PHF21B: variants seen among roughly 807,000 people sequenced by gnomAD.
PHF21B encodes PHD finger protein 21B.
PHF21B carries 22 observed loss-of-function variants against 62.2 expected under a neutral mutation model. The observed-to-expected ratio is 0.35, with a 90% CI of 0.25 to 0.51. PHF21B has a LOEUF of 0.51. PHF21B is among the 20% of genes least tolerant of loss of function. The pLI, the probability that PHF21B is intolerant of heterozygous loss-of-function variation, is 0.97. For missense variants in PHF21B, 701 were observed against 707.9 expected (o/e 0.99, Z 0.11); for synonymous variants, 341 against 314.7 (o/e 1.08, Z -0.88).
intron 2 of PHF21B, among the ~76,000 whole-genome samples, chr22:44,947,172 T>C (rs910002111): frequency 2.0e-4 from 31 of 152,266 alleles, no homozygotes; most frequent in African/African-American, 7.5e-4. Flanking sequence ...GCTGTCCCAG[T>C]CCCCAGGCAA....
intron 9 of PHF21B, 123 bp downstream of exon 9, chr22:44,889,637 G>A (rs1238438535): frequency 8.1e-7 from 1 of 1,240,686 alleles, no homozygotes; most frequent in Non-Finnish European, 1.1e-6. Flanking sequence ...CCTAAAGGCA[G>A]AACCGAAAGG....
chr22:44,982,468 G>A (rs183723579), intron 2 of PHF21B, among the ~76,000 whole-genome samples: 52 of 152,198 alleles, frequency 3.4e-4, no homozygotes, highest in African/African-American at 1.1e-3. Flanking sequence ...TACCCTAAGA[G>A]GGCACAGGCC....
intron 2 of PHF21B, among the ~76,000 whole-genome samples, chr22:44,998,396 C>T (rs1055021894): frequency 6.6e-6 from 1 of 152,198 alleles, no homozygotes; most frequent in African/African-American, 2.4e-5. Context: ...ATAGGTTTCT[C>T]GCATGGGCCA....
chr22:44,916,390 T>G lies in PHF21B; in HGVS notation c.454A>C (p.Ile152Leu). ...PLSSAGVAYA[I>L]ISTSPSNAAA... ...GCATTGCTGGGGGAGGTGGAGATGA[T>G]GGCGTAGGCCACCCCCGCACTGCTC... is the stretch of plus-strand genomic sequence containing the variant. The change falls in exon 4 of 13, where the codon ATC (isoleucine) becomes CTC (leucine). Residue 152 changes from isoleucine to leucine, a missense_variant. Transcript: ENST00000313237. The G allele has an allele frequency of 6.3e-7, 1 of 1,590,436 alleles. No individual in the cohort carries two copies. The highest frequency in any genetic ancestry group is 8.5e-7 in the Non-Finnish European group (1 of 1,175,342).
intron 2 of PHF21B, among the ~76,000 whole-genome samples, chr22:44,962,563 C>T (rs147534213): frequency 2.0e-4 from 30 of 152,338 alleles, no homozygotes; most frequent in Non-Finnish European, 4.0e-4. Flanking sequence ...ACGTGTATTG[C>T]TTTTGCACCA....
intron 2 of PHF21B, among the ~76,000 whole-genome samples, chr22:44,921,657 G>A (rs778556977): frequency 4.1e-5 from 6 of 147,450 alleles, no homozygotes; most frequent in East Asian, 2.0e-4. Context: ...CATGAGCCAC[G>A]GAACCCAGCC....
At chr22:44,987,378 G>C (rs2072969462) in intron 2 of PHF21B, among the ~76,000 whole-genome samples, 1 of 152,180 alleles carries the variant, frequency 6.6e-6, no homozygotes, top group Non-Finnish European at 1.5e-5. Context: ...TAACGGCCAG[G>C]CTGAGAGGCA....
At chr22:44,922,988 T>C (rs745997356) in intron 2 of PHF21B, among the ~76,000 whole-genome samples, 1 of 152,122 alleles carries the variant, frequency 6.6e-6, no homozygotes, top group Non-Finnish European at 1.5e-5. Context: ...TTAGAATGCA[T>C]ATGAAATTAT....
intron 2 of PHF21B, among the ~76,000 whole-genome samples, chr22:44,934,616 G>C (rs544128573): frequency 1.3e-5 from 2 of 152,178 alleles, no homozygotes; most frequent in African/African-American, 2.4e-5. Flanking sequence ...TCTCGACTCT[G>C]CAGGTAGGCA....
At chr22:44,979,920 T>G (rs1377659408) in intron 2 of PHF21B, among the ~76,000 whole-genome samples, 8 of 151,470 alleles carry the variant, frequency 5.3e-5, no homozygotes, top group African/African-American at 1.9e-4. Context: ...AATTCAAAAT[T>G]TAGCCAGGCA....
intron 3 of PHF21B, among the ~76,000 whole-genome samples, chr22:44,917,894 C>G (rs1019468231): frequency 1.4e-4 from 21 of 152,244 alleles, no homozygotes; most frequent in African/African-American, 5.1e-4. Flanking sequence ...TGGCACAGAG[C>G]TGGCCCTTGA....
chr22:44,977,120 AAAAAG>A (rs529508016), intron 2 of PHF21B, among the ~76,000 whole-genome samples: 369 of 152,328 alleles, frequency 2.4e-3, no homozygotes, highest in African/African-American at 8.2e-3. Context: ...ACCCTGTCTC[AAAAAG>A]AAAAGAAAGA....
chr22:44,976,333 C>T (rs1262449694), intron 2 of PHF21B, among the ~76,000 whole-genome samples: 1 of 152,086 alleles, frequency 6.6e-6, no homozygotes, highest in Non-Finnish European at 1.5e-5. Context: ...ACTCAAAATC[C>T]TCTCTTCACA....
At chr22:44,949,878 G>A (rs1419530568) in intron 2 of PHF21B, among the ~76,000 whole-genome samples, 1 of 152,208 alleles carries the variant, frequency 6.6e-6, no homozygotes, top group African/African-American at 2.4e-5. Context: ...AAGAACAGAT[G>A]TGAGTTAAAG....
In PHF21B at chr22:44,914,005, GGGAGGGGTGAGGGGAAGAGAGGAGGGGT is replaced by G; in HGVS notation, c.620_647del (p.His207ProfsTer68). 6.5e-7 allele frequency: 1 copy of G among 1,535,126 alleles called. No homozygotes were observed. Among genetic ancestry groups the G allele is most frequent in the Non-Finnish European group, 9.0e-7 (1 of 1,110,646 alleles). On this transcript the variant is annotated frameshift_variant, in exon 5 of 13. Coordinates refer to ENST00000313237, the MANE Select transcript of PHF21B (RefSeq NM_138415.5). LOFTEE classifies it high-confidence loss of function. ...GGGGTGAAGGGGACAGTGATGGGGA[GGGAGGGGTGAGGGGAAGAGAGGAGGGGT>G]GGAGGGGACAGTGATGGGTTGCGGG...
At chr22:44,993,291 C>T (rs2073070279) in intron 2 of PHF21B, among the ~76,000 whole-genome samples, 1 of 152,226 alleles carries the variant, frequency 6.6e-6, no homozygotes, top group Non-Finnish European at 1.5e-5. Flanking sequence ...GATATAAGCC[C>T]TCAGGTGAGT....
chr22:44,983,952 T>C (rs1203998362), intron 2 of PHF21B, among the ~76,000 whole-genome samples: 1 of 151,816 alleles, frequency 6.6e-6, no homozygotes, highest in African/African-American at 2.4e-5. Flanking sequence ...GAACTGGAGC[T>C]GGGCCCCTTT....
At chr22:44,930,022 A>G (rs1440754214) in intron 2 of PHF21B, among the ~76,000 whole-genome samples, 2 of 152,224 alleles carry the variant, frequency 1.3e-5, no homozygotes, top group African/African-American at 4.8e-5. Flanking sequence ...TTCTCATACA[A>G]TGGAAAACTT....
chr22:44,921,509 GGC>G (rs1208569024), intron 2 of PHF21B, among the ~76,000 whole-genome samples: 1 of 151,826 alleles, frequency 6.6e-6, no homozygotes, highest in Non-Finnish European at 1.5e-5. Context: ...TGGAACTACA[GGC>G]GCTGCCACCA....
Sources: allele counts gnomAD v4.1 joint callset (sites outside exome capture counted in the v4.1 genomes callset), GRCh38; gene constraint gnomAD v4.1.1; transcripts MANE v1.5; gene names NCBI Gene and HGNC (gene_info 2026-07-23, HGNC 2026-07-21).